The following ZNF423 variants were observed in gnomAD, a reference collection of about 807,000 sequenced individuals.
The protein encoded by ZNF423 is zinc finger protein 423, also known as Ebf-associated zinc finger protein.
A neutral mutation model predicts 95.8 loss-of-function variants in ZNF423; 12 were observed. That is an observed-to-expected ratio of 0.13 (90% CI 0.08 to 0.20). The LOEUF is 0.20. ZNF423 is among the 10% of genes least tolerant of loss of function. ZNF423 has a pLI of 1.00. For missense variants in ZNF423, 1,316 were observed against 1,737.1 expected (o/e 0.76, Z 4.31); for synonymous variants, 749 against 711.9 (o/e 1.05, Z -0.83).
rs192716433 is a variant in ZNF423 at position 49,753,354 on chromosome 16, C to A, written c.101-22383G>T. Reference sequence around the variant, plus strand: ...CGGTGGCTCACACCTATAATACTAGCACTTTGCGAAGCTGAGGTGGGAGGA... The same window carrying A: ...CGGTGGCTCACACCTATAATACTAGAACTTTGCGAAGCTGAGGTGGGAGGA... On this transcript the variant is annotated intron_variant, in intron 2 of 7. Transcript: ENST00000563137. Among the ~76,000 whole-genome samples, 168 of 151,846 alleles carry A rather than the reference C, an allele frequency of 1.1e-3. 1 individual carries two copies. Among genetic ancestry groups the A allele is most frequent in the African/African-American group, 3.9e-3 (162 of 41,358 alleles).
chr16:49,772,779 AC>A (rs2034057659), intron 2 of ZNF423, among the ~76,000 whole-genome samples: 3 of 152,352 alleles, frequency 2.0e-5, no homozygotes, highest in African/African-American at 2.4e-5. Flanking sequence ...AGAGACCAAC[AC>A]CCGAGGGAAC....
chr16:49,795,149 G>A (rs2034478183), intron 1 of ZNF423, among the ~76,000 whole-genome samples: 1 of 152,228 alleles, frequency 6.6e-6, no homozygotes, highest in East Asian at 1.9e-4. Context: ...TGGGATTACA[G>A]GCATGAGTCA....
At chr16:49,741,602 G>A (rs538026299) in intron 2 of ZNF423, among the ~76,000 whole-genome samples, 1 of 152,326 alleles carries the variant, frequency 6.6e-6, no homozygotes, top group South Asian at 2.1e-4. Context: ...AAGAAACACA[G>A]TATGGGCTAA....
At chr16:49,614,600 G>C (rs1328142380) in intron 5 of ZNF423, among the ~76,000 whole-genome samples, 1 of 152,178 alleles carries the variant, frequency 6.6e-6, no homozygotes, top group Admixed American at 6.5e-5. Flanking sequence ...CAACGGGAGG[G>C]ATTCTTGTGG....
At chr16:49,585,803 G>T (rs897909983) in intron 5 of ZNF423, among the ~76,000 whole-genome samples, 3 of 152,206 alleles carry the variant, frequency 2.0e-5, no homozygotes, top group African/African-American at 7.2e-5. Flanking sequence ...TGTCCGTCAT[G>T]AGAGGCAAGC....
At chr16:49,851,927 C>G (rs2144127466) in intron 1 of ZNF423, among the ~76,000 whole-genome samples, 1 of 152,178 alleles carries the variant, frequency 6.6e-6, no homozygotes, top group Non-Finnish European at 1.5e-5. Context: ...TGTTAGCTAC[C>G]CCACTCCACA....
intron 3 of ZNF423, among the ~76,000 whole-genome samples, chr16:49,662,598 GA>G: frequency 6.6e-6 from 1 of 152,308 alleles, no homozygotes; most frequent in East Asian, 1.9e-4. Flanking sequence ...GCAAAGAGAG[GA>G]GACTAAATCT....
intron 1 of ZNF423, among the ~76,000 whole-genome samples, chr16:49,844,402 G>A (rs962740823): frequency 6.6e-5 from 10 of 152,076 alleles, no homozygotes; most frequent in African/African-American, 2.4e-4. Context: ...ATAAACAGCA[G>A]CTGCAATCTC....
chr16:49,824,857 T>C (rs1253419265), intron 1 of ZNF423, among the ~76,000 whole-genome samples: 1 of 152,114 alleles, frequency 6.6e-6, no homozygotes, highest in Non-Finnish European at 1.5e-5. Context: ...GAGAATCCAA[T>C]GGGCGGGCAC....
intron 1 of ZNF423, among the ~76,000 whole-genome samples, chr16:49,802,101 G>A (rs2034591762): frequency 6.6e-6 from 1 of 152,164 alleles, no homozygotes; most frequent in African/African-American, 2.4e-5. Context: ...TCCCGCCTCA[G>A]CCTCCCAAAG....
chr16:49,662,369 C>T (rs2030283334), intron 3 of ZNF423, among the ~76,000 whole-genome samples: 1 of 152,192 alleles, frequency 6.6e-6, no homozygotes, highest in Non-Finnish European at 1.5e-5. Flanking sequence ...CTCTCAGGGA[C>T]AGGAATAACA....
chr16:49,799,739 GTAAA>G (rs1197025684), intron 1 of ZNF423, among the ~76,000 whole-genome samples: 9 of 152,160 alleles, frequency 5.9e-5, no homozygotes, highest in African/African-American at 2.2e-4. Context: ...ATGATGATGT[GTAAA>G]ATAGGACAAT....
chr16:49,764,899 C>T (rs1451999440), intron 2 of ZNF423, among the ~76,000 whole-genome samples: 1 of 151,604 alleles, frequency 6.6e-6, no homozygotes, highest in Non-Finnish European at 1.5e-5. Flanking sequence ...AGGTGTGCGC[C>T]ACCACGCCCA....
In ZNF423 at chr16:49,636,095, G is replaced by A; in HGVS notation, c.3081C>T (p.Gly1027=). 6.2e-7 allele frequency: 1 copy of A among 1,613,990 alleles called. No individual in the cohort carries two copies. The highest frequency in any genetic ancestry group is 8.5e-7 in the Non-Finnish European group (1 of 1,180,030). ...MHPDLRNSLT[G]FRCVVCMQTV... ...TCTGCATGCAGACCACACAGCGGAA[G>A]CCCGTGAGTGAGTTGCGCAGGTCAG... The change falls in exon 4 of 8, where the codon GGC becomes GGT. Residue 1027 remains glycine, a synonymous_variant. Transcript: ENST00000563137. The surrounding 1 kb of genome is among the most constrained non-coding windows in gnomAD (Gnocchi z 8.6).
upstream of ZNF423, among the ~76,000 whole-genome samples, chr16:49,858,618 C>T (rs564399276): frequency 1.9e-4 from 29 of 152,286 alleles, no homozygotes; most frequent in African/African-American, 6.3e-4. This position sits in a 1 kb window ranked among gnomAD's most constrained non-coding sequence, Gnocchi z 4.3. Context: ...TTGAGGGCCG[C>T]CCCTCCCCAG....
chr16:49,809,900 G>A lies in ZNF423; in HGVS notation c.41-20354C>T, dbSNP rs573332552. Among the ~76,000 whole-genome samples, 385 of 152,224 alleles carry A rather than the reference G, an allele frequency of 2.5e-3. 1 individual carries two copies. Among genetic ancestry groups the A allele is most frequent in the Non-Finnish European group, 3.3e-3 (226 of 68,012 alleles). ...ATGAACCGCATGAGAGTGAGAGCTC[G>A]CCCAGCTGTCAGGACCCAGGCCCCC... is the stretch of plus-strand genomic sequence containing the variant. On this transcript the variant is annotated intron_variant, in intron 1 of 7. Transcript: ENST00000563137.
intron 1 of ZNF423, among the ~76,000 whole-genome samples, chr16:49,832,917 G>A (rs1398942429): frequency 6.6e-6 from 1 of 152,192 alleles, no homozygotes; most frequent in Non-Finnish European, 1.5e-5. Context: ...TTTTTTCTGT[G>A]ACATCTCCAA....
chr16:49,520,875 T>C (rs1164527137), intron 7 of ZNF423, among the ~76,000 whole-genome samples: 2 of 152,252 alleles, frequency 1.3e-5, no homozygotes, highest in Non-Finnish European at 2.9e-5. Flanking sequence ...TGCATAGATT[T>C]GGCATTGCAA....
At chr16:49,818,515 T>C (rs1461758580) in intron 1 of ZNF423, among the ~76,000 whole-genome samples, 4 of 149,346 alleles carry the variant, frequency 2.7e-5, no homozygotes, top group Non-Finnish European at 5.9e-5. Flanking sequence ...TTCAAGTCTA[T>C]AGTGCGCTGT....
Sources: allele counts gnomAD v4.1 joint callset (sites outside exome capture counted in the v4.1 genomes callset), GRCh38; gene constraint gnomAD v4.1.1; non-coding constraint Gnocchi (gnomAD v3.1); transcripts MANE v1.5; gene names NCBI Gene and HGNC (gene_info 2026-07-23, HGNC 2026-07-21).